The following TSPAN4 variants were observed in gnomAD, a reference collection of about 807,000 sequenced individuals.
The protein encoded by TSPAN4 is tetraspanin 4, also known as tetraspanin-4.
In TSPAN4, 38 loss-of-function variants were observed where a neutral mutation model predicts 31.5. That is an observed-to-expected ratio of 1.21 (90% CI 0.93 to 1.58). TSPAN4 has a LOEUF of 1.58. TSPAN4 is among the 40% of genes most tolerant of loss of function. The pLI, the probability that TSPAN4 is intolerant of heterozygous loss-of-function variation, is 0.00. For missense variants in TSPAN4, 330 were observed against 317.3 expected (o/e 1.04, Z -0.30); for synonymous variants, 186 against 144.6 (o/e 1.29, Z -2.06).
At chr11:845,822 G>A (rs1181487144) in intron 1 of TSPAN4, among the ~76,000 whole-genome samples, 2 of 152,164 alleles carry the variant, frequency 1.3e-5, no homozygotes, top group Non-Finnish European at 2.9e-5. Flanking sequence ...TCCCTCCCCT[G>A]GGGCTGCTGG....
At chr11:856,592 T>C (rs1421179418) in intron 3 of TSPAN4, among the ~76,000 whole-genome samples, 2 of 152,236 alleles carry the variant, frequency 1.3e-5, no homozygotes, top group African/African-American at 2.4e-5. Flanking sequence ...GCTTTCAGCC[T>C]ATTCCTATTT....
chr11:866,634 G>C lies in TSPAN4; in HGVS notation c.*4G>C. The C allele has an allele frequency of 6.2e-7, 1 of 1,610,196 alleles. No homozygotes were observed. Among genetic ancestry groups the C allele is most frequent in the Non-Finnish European group, 8.5e-7 (1 of 1,178,690 alleles). The stretch of plus-strand genomic sequence containing the variant: ...GGCAGACACCTACTGCGCGTAGGCC[G>C]CCCACCGCCCGCTTCTCTGCCAAAA... On this transcript the variant is annotated 3_prime_UTR_variant, in exon 9 of 9. Coordinates refer to ENST00000397397, the MANE Select transcript of TSPAN4 (RefSeq NM_003271.5).
chr11:866,739 A>C lies in TSPAN4; in HGVS notation c.*109A>C, dbSNP rs1018688978. 18 of 1,087,994 alleles carry C rather than the reference A, an allele frequency of 1.7e-5. No homozygotes were observed. The highest frequency in any genetic ancestry group is 3.2e-5 in the African/African-American group (2 of 62,176). The allele number at this position is 1,087,994 out of a possible 1,614,324, so 67.4% of individuals were successfully genotyped here. The stretch of plus-strand genomic sequence containing the variant: ...CGGTGCTCTGCCCCATGCTGGGAGG[A>C]GGGAGGGAGGGACAGGTGCCTGGAG... On this transcript the variant is annotated 3_prime_UTR_variant, in exon 9 of 9. Coordinates refer to ENST00000397397, the MANE Select transcript of TSPAN4 (RefSeq NM_003271.5).
Position 865,928 on chromosome 11 carries a change from A to T in TSPAN4, c.575A>T (p.Glu192Val), listed in dbSNP as rs1848766111. ...CATCCCTCCCTGCAGCCGTGCTACG[A>T]GACGGTGAAGGTGTGGCTTCAGGAG... is the stretch of plus-strand genomic sequence containing the variant. Reference protein sequence around the residue: ...PGTWWKAPCYETVKVWLQENL... With the variant: ...PGTWWKAPCYVTVKVWLQENL... Residue 192 changes from glutamate to valine, a missense_variant, in exon 8 of 9, where the codon GAG (glutamate) becomes GTG (valine). Glu to Val is a moderately radical substitution (Grantham distance 121). Transcript: ENST00000397397. 1.2e-6 allele frequency: 2 copies of T among 1,613,106 alleles called. No individual in the cohort carries two copies. Among genetic ancestry groups the T allele is most frequent in the Non-Finnish European group, 1.7e-6 (2 of 1,179,972 alleles).
intron 1 of TSPAN4, among the ~76,000 whole-genome samples, chr11:845,072 C>T (rs1328616927): frequency 6.6e-6 from 1 of 152,182 alleles, no homozygotes; most frequent in African/African-American, 2.4e-5. Context: ...CAGAAACTGC[C>T]CGCCCGGAGG....
intron 3 of TSPAN4, among the ~76,000 whole-genome samples, chr11:854,207 C>T (rs1346837657): frequency 1.3e-5 from 2 of 152,222 alleles, no homozygotes; most frequent in Admixed American, 1.3e-4. Context: ...CGGCTCCTTC[C>T]AGACGCTGCT....
intron 5 of TSPAN4, 45 bp downstream of exon 5, chr11:864,556 C>G (rs749408954): frequency 6.2e-7 from 1 of 1,604,478 alleles, no homozygotes; most frequent in South Asian, 1.1e-5. Flanking sequence ...GCTGGGGGCT[C>G]CATCCTCACT....
Position 848,051 on chromosome 11 carries a change from G to C in TSPAN4, c.-18+751G>C, listed in dbSNP as rs948243989. Among the ~76,000 whole-genome samples the C allele has an allele frequency of 6.6e-6, 1 of 152,228 alleles. No individual in the cohort carries two copies. Among genetic ancestry groups the C allele is most frequent in the African/African-American group, 2.4e-5 (1 of 41,452 alleles). ...CTGCCCTTGCCTGGCCCACGAGTAGGTGCTCTGAGCGCTGCCCAGGTCACA... is the reference window on the plus strand; with the variant it reads ...CTGCCCTTGCCTGGCCCACGAGTAGCTGCTCTGAGCGCTGCCCAGGTCACA... On this transcript the variant is annotated intron_variant, in intron 2 of 8. Coordinates refer to ENST00000397397, the MANE Select transcript of TSPAN4 (RefSeq NM_003271.5). This position sits in a 1 kb window ranked among gnomAD's most constrained non-coding sequence, Gnocchi z 5.7.
chr11:856,003 C>T (rs191875851), intron 3 of TSPAN4, among the ~76,000 whole-genome samples: 1 of 152,324 alleles, frequency 6.6e-6, no homozygotes, highest in East Asian at 1.9e-4. Flanking sequence ...GGAGCATACT[C>T]GATGGACTCC....
intron 4 of TSPAN4, 135 bp downstream of exon 4, chr11:862,876 G>C (rs374032846): frequency 1.0e-6 from 1 of 980,724 alleles, no homozygotes; most frequent in Non-Finnish European, 1.5e-6. Flanking sequence ...CAGGCTGGCA[G>C]TGTGGCCCGG....
At chr11:864,837 T>C in intron 5 of TSPAN4, 1 of 428,790 alleles carries the variant, frequency 2.3e-6, no homozygotes. Context: ...GGGGTTCTCC[T>C]CTGTAGAGCG....
intron 7 of TSPAN4, 25 bp downstream of exon 7, chr11:865,850 G>A: frequency 6.2e-7 from 1 of 1,612,274 alleles, no homozygotes; most frequent in Non-Finnish European, 8.5e-7. Context: ...CACCCTGGGG[G>A]CTGGTAGGGG....
intron 3 of TSPAN4, among the ~76,000 whole-genome samples, chr11:854,283 G>T (rs1373433179): frequency 6.6e-6 from 1 of 152,194 alleles, no homozygotes; most frequent in Non-Finnish European, 1.5e-5. Context: ...GGAAGCTCCG[G>T]CCGTCTCCGC....
chr11:859,624 A>ACCCCAGCTCCCATGCATC (rs1848336010), intron 3 of TSPAN4: 1 of 150,778 alleles, frequency 6.6e-6, no homozygotes, highest in Non-Finnish European at 1.5e-5. Flanking sequence ...GCTCACATGC[A>ACCCCAGCTCCCATGCATC]CCCCAGCTCC....
chr11:864,567 C>G (rs909223177), intron 5 of TSPAN4, 56 bp downstream of exon 5: 4 of 1,597,292 alleles, frequency 2.5e-6, no homozygotes, highest in South Asian at 2.2e-5. Context: ...CATCCTCACT[C>G]CCAGGGAGCA....
At chr11:850,896 G>T (rs1847652531) in intron 3 of TSPAN4, among the ~76,000 whole-genome samples, 1 of 149,376 alleles carries the variant, frequency 6.7e-6, no homozygotes, top group South Asian at 2.1e-4. Flanking sequence ...CAGTCGCCGG[G>T]AGGCGCTGCG....
At chr11:864,313 GCCTGGCAGAGGTTT>G in intron 4 of TSPAN4, 110 bp from the exon 5 acceptor site, 2 of 1,208,098 alleles carry the variant, frequency 1.7e-6, no homozygotes, top group Non-Finnish European at 1.2e-6. Context: ...GGGAGTGGGG[GCCTGGCAGAGGTTT>G]CCTGGCAGCA....
chr11:853,260 C>A (rs778896492), intron 3 of TSPAN4, among the ~76,000 whole-genome samples: 2 of 152,154 alleles, frequency 1.3e-5, no homozygotes, highest in Non-Finnish European at 2.9e-5. Context: ...CCCCTCTCTC[C>A]CACCTTTGCC....
intron 3 of TSPAN4, among the ~76,000 whole-genome samples, chr11:856,700 C>T (rs1403588612): frequency 6.6e-6 from 1 of 152,218 alleles, no homozygotes; most frequent in African/African-American, 2.4e-5. Flanking sequence ...CAGCCACACC[C>T]CTAGCTGCTC....
Sources: allele counts gnomAD v4.1 joint callset (sites outside exome capture counted in the v4.1 genomes callset), GRCh38; gene constraint gnomAD v4.1.1; non-coding constraint Gnocchi (gnomAD v3.1); transcripts MANE v1.5; gene names NCBI Gene and HGNC (gene_info 2026-07-23, HGNC 2026-07-21).